The following INTS9 variants were observed in gnomAD, a reference collection of about 807,000 sequenced individuals.
INTS9 encodes the protein integrator complex subunit 9, also known as protein related to CPSF subunits of 74 kDa.
A neutral mutation model predicts 79.7 loss-of-function variants in INTS9; 55 were observed. The ratio of observed to expected loss-of-function variants is 0.69; its 90% CI spans 0.56 to 0.86. The LOEUF is 0.86. INTS9 is among the 40% of genes least tolerant of loss of function. The pLI, the probability that INTS9 is intolerant of heterozygous loss-of-function variation, is 0.00. For missense variants in INTS9, 721 were observed against 831.5 expected, an observed-to-expected ratio of 0.87 and a Z score of 1.64; for synonymous variants, 319 against 325.2, an observed-to-expected ratio of 0.98 and a Z score of 0.20.
chr8:28,812,491 A>G, intron 7 of INTS9, 30 bp from the exon 8 acceptor site: 1 of 1,607,296 alleles, frequency 6.2e-7, no homozygotes, highest in Non-Finnish European at 8.5e-7. Flanking sequence ...AGAATGTGCA[A>G]TGAGCTTACA....
At chr8:28,866,387 A>G (rs1240459975) in intron 1 of INTS9, among the ~76,000 whole-genome samples, 2 of 152,084 alleles carry the variant, frequency 1.3e-5, no homozygotes, top group South Asian at 4.1e-4. Context: ...CCATTTTGAG[A>G]CCATTTTATG....
intron 2 of INTS9, among the ~76,000 whole-genome samples, chr8:28,858,702 T>A (rs1300147009): frequency 6.6e-6 from 1 of 152,260 alleles, no homozygotes; most frequent in African/African-American, 2.4e-5. Context: ...CAGTGATGTC[T>A]TCAGGAATGA....
chr8:28,798,177 T>A (rs1490797475), intron 8 of INTS9: 2 of 152,220 alleles, frequency 1.3e-5, no homozygotes, highest in African/African-American at 4.8e-5. Flanking sequence ...TATTTGTACT[T>A]CTCCAACAAA....
rs755253516 is a variant in INTS9 at position 28,777,891 on chromosome 8, A to G, written c.1333T>C (p.Tyr445His). ...PYQPLAMKCI[Y>H]CPIDTRLNFI... Reference sequence around the variant, plus strand: ...TTCAGCCGGGTGTCGATGGGGCAGTAGATGCATTTCATGGCCAGCGGCTGG... The same window carrying G: ...TTCAGCCGGGTGTCGATGGGGCAGTGGATGCATTTCATGGCCAGCGGCTGG... The change falls in exon 13 of 17, where the codon TAC becomes CAC. Residue 445 changes from tyrosine to histidine, a missense_variant. By Grantham distance (83) the Tyr-to-His change is moderately conservative (BLOSUM62 2). Around this residue, in one of 3 missense-constraint regions of INTS9, gnomAD observed 281 missense variants for 300.8 expected, o/e 0.93. Transcript: ENST00000521022. 6 of 1,612,816 alleles carry G rather than the reference A, an allele frequency of 3.7e-6. No individual in the cohort carries two copies. The highest frequency in any genetic ancestry group is 4.2e-6 in the Non-Finnish European group (5 of 1,179,472).
At chr8:28,854,328 G>A (rs1808023734) in intron 2 of INTS9, among the ~76,000 whole-genome samples, 1 of 152,092 alleles carries the variant, frequency 6.6e-6, no homozygotes, top group Non-Finnish European at 1.5e-5. Context: ...CCTTTCAAGA[G>A]TTTGCAATCT....
intron 8 of INTS9, among the ~76,000 whole-genome samples, chr8:28,804,734 A>T (rs1804714319): frequency 6.6e-6 from 1 of 152,240 alleles, no homozygotes. Context: ...CACAGGGAGA[A>T]TTAGTGAACC....
chr8:28,868,266 G>A lies in INTS9; in HGVS notation c.10-8703C>T, dbSNP rs369591225. Reference sequence around the variant, plus strand: ...ATTGCCCTGCAATCCATCATAAGCAGTAATTTTCTTTTGTTGGTTTTCCTT... The same window carrying A: ...ATTGCCCTGCAATCCATCATAAGCAATAATTTTCTTTTGTTGGTTTTCCTT... On this transcript the variant is annotated intron_variant, in intron 1 of 16. Transcript: ENST00000521022. Among the ~76,000 whole-genome samples the A allele has an allele frequency of 7.2e-5, 11 of 152,274 alleles. No homozygotes were observed. The East Asian group carries it at 1.7e-3, about 24-fold the overall frequency.
chr8:28,780,058 T>G (rs1191587085), intron 12 of INTS9, among the ~76,000 whole-genome samples: 4 of 151,094 alleles, frequency 2.6e-5, no homozygotes, highest in Non-Finnish European at 5.9e-5. Context: ...TCAAGGTTTT[T>G]TTTTTTTTTT....
At chr8:28,885,542 GA>G (rs1310077885) in intron 1 of INTS9, among the ~76,000 whole-genome samples, 1 of 152,350 alleles carries the variant, frequency 6.6e-6, no homozygotes, top group African/African-American at 2.4e-5. Context: ...TTTGTTGACT[GA>G]ATAAGCCAGA....
rs747146666 is a variant in INTS9, at chr8:28,768,141, C to A, written c.*5G>T. On this transcript the variant is annotated 3_prime_UTR_variant, in exon 17 of 17. Coordinates refer to ENST00000521022, the MANE Select transcript of INTS9 (RefSeq NM_018250.4). ...GATTTCAGGGAAGTAGCTCAGATGG[C>A]CCACTCAGAACTTCTGTAAGAATTT... 1.1e-5 allele frequency: 17 copies of A among 1,613,860 alleles called. No homozygotes were observed. Among genetic ancestry groups the A allele is most frequent in the Non-Finnish European group, 1.4e-5 (17 of 1,179,930 alleles).
Position 28,793,851 on chromosome 8 carries a change from A to C in INTS9, c.993T>G (p.Pro331=). 1 of 1,613,606 alleles carries C rather than the reference A, an allele frequency of 6.2e-7. No homozygotes were observed. The highest frequency in any genetic ancestry group is 1.1e-5 in the South Asian group (1 of 91,050). The change falls in exon 10 of 17, where the codon CCT becomes CCG. Residue 331 remains proline (P), a synonymous_variant. Transcript: ENST00000521022. ...LSSVPLYFIS[P]VANSSLEFSQ... is the part of the protein sequence containing the mutation. ...AAAACTCCAGTGAACTGTTGGCCAC[A>C]GGGGAGATGAAGTAGAGGGGGACGC...
intron 1 of INTS9, 85 bp downstream of exon 1, chr8:28,889,789 C>A: frequency 6.7e-7 from 1 of 1,498,864 alleles, no homozygotes; most frequent in Non-Finnish European, 9.2e-7. Flanking sequence ...TCCCGTGCGA[C>A]GATTCCCTGC....
chr8:28,885,628 T>C lies in INTS9; in HGVS notation c.9+4246A>G, dbSNP rs540949161. Reference sequence around the variant, plus strand: ...TGCATTCTTGAACTGCTTTGGATTATTTTATTCGCTTGACTCTTCATCTAT... The same window carrying C: ...TGCATTCTTGAACTGCTTTGGATTACTTTATTCGCTTGACTCTTCATCTAT... On this transcript the variant is annotated intron_variant, in intron 1 of 16. Transcript: ENST00000521022. Among the ~76,000 whole-genome samples the C allele has an allele frequency of 1.1e-4, 16 of 152,366 alleles. No homozygotes were observed. In the South Asian group the frequency reaches 3.1e-3, roughly 30 times the overall value.
chr8:28,851,730 C>T (rs1275156864), intron 2 of INTS9, among the ~76,000 whole-genome samples: 1 of 151,670 alleles, frequency 6.6e-6, no homozygotes. Context: ...AGCCACTGCA[C>T]CCAGCCGGGG....
At chr8:28,883,251 A>C (rs1809994295) in intron 1 of INTS9, among the ~76,000 whole-genome samples, 1 of 152,192 alleles carries the variant, frequency 6.6e-6, no homozygotes, top group Non-Finnish European at 1.5e-5. Context: ...AAGCAACACC[A>C]TAGATCTTTT....
At chr8:28,828,761 C>T (rs1442915768) in intron 6 of INTS9, among the ~76,000 whole-genome samples, 3 of 151,924 alleles carry the variant, frequency 2.0e-5, no homozygotes, top group African/African-American at 4.8e-5. Context: ...TGCAATGGCA[C>T]GATCTCGGCT....
rs551419649 is a variant in INTS9 at position 28,792,985 on chromosome 8, GC to G, written c.1037+821del. On this transcript the variant is annotated intron_variant, in intron 10 of 16. Transcript: ENST00000521022. The stretch of plus-strand genomic sequence containing the variant: ...AGACGCCTGTATGAGTCTAAACACA[GC>G]GGGGAAAAAAACGACCACAGAAGGG... Among the ~76,000 whole-genome samples, 131 of 150,934 alleles carry G rather than the reference GC, an allele frequency of 8.7e-4. 1 individual carries two copies. The East Asian group carries it at 0.011, about 13-fold the overall frequency.
chr8:28,863,527 G>A (rs1425300829), intron 1 of INTS9, among the ~76,000 whole-genome samples: 1 of 152,196 alleles, frequency 6.6e-6, no homozygotes, highest in African/African-American at 2.4e-5. Flanking sequence ...TGTAATCCCA[G>A]CACTTTGGGA....
chr8:28,885,333 C>T (rs987525431), intron 1 of INTS9, among the ~76,000 whole-genome samples: 7 of 152,140 alleles, frequency 4.6e-5, no homozygotes, highest in African/African-American at 7.2e-5. Flanking sequence ...TTTAACAAGC[C>T]GGCCTCTGCA....
Sources: allele counts gnomAD v4.1 joint callset (sites outside exome capture counted in the v4.1 genomes callset), GRCh38; gene constraint gnomAD v4.1.1; regional missense constraint gnomAD v4.1.1; transcripts MANE v1.5; gene names NCBI Gene and HGNC (gene_info 2026-07-23, HGNC 2026-07-21).